Variants in ZNF385A observed in about 807,000 individuals in gnomAD.
ZNF385A encodes zinc finger protein 385A, also known as hematopoietic zinc finger protein.
ZNF385A carries 14 observed loss-of-function variants against 32.1 expected under a neutral mutation model. The observed-to-expected ratio is 0.44, with a 90% CI of 0.29 to 0.68. The LOEUF is 0.68. Among genes scored for constraint, ZNF385A ranks in the 30% least tolerant of loss-of-function variants. ZNF385A has a pLI of 0.14. For synonymous variants in ZNF385A, 197 were observed against 202.7 expected, an observed-to-expected ratio of 0.97 and a Z score of 0.24; for missense variants, 406 against 478.4, an observed-to-expected ratio of 0.85 and a Z score of 1.41.
chr12:54,388,082 T>TGTGG (rs905901080), upstream of ZNF385A, among the ~76,000 whole-genome samples: 3 of 149,914 alleles, frequency 2.0e-5, no homozygotes, highest in Non-Finnish European at 4.4e-5. Flanking sequence ...TGTGTGTGTG[T>TGTGG]GGCACCCATG....
At chr12:54,376,794 G>A (rs1283229918) in intron 1 of ZNF385A, among the ~76,000 whole-genome samples, 1 of 152,178 alleles carries the variant, frequency 6.6e-6, no homozygotes, top group African/African-American at 2.4e-5. Context: ...TTTCTCTGAG[G>A]CTTTCTGCTA....
chr12:54,375,560 A>C (rs1186102331), intron 2 of ZNF385A, among the ~76,000 whole-genome samples: 2 of 152,170 alleles, frequency 1.3e-5, no homozygotes, highest in African/African-American at 4.8e-5. Context: ...TGTTCCAAGA[A>C]GCTCTGAACC....
intron 1 of ZNF385A, among the ~76,000 whole-genome samples, chr12:54,391,070 GA>G (rs1955628253): frequency 6.6e-6 from 1 of 152,190 alleles, no homozygotes; most frequent in Non-Finnish European, 1.5e-5. Context: ...GGGAAGAGGG[GA>G]AGAGGGGACC....
At chr12:54,373,416 G>C (rs1235714122) in intron 3 of ZNF385A, among the ~76,000 whole-genome samples, 1 of 151,848 alleles carries the variant, frequency 6.6e-6, no homozygotes, top group Non-Finnish European at 1.5e-5. Context: ...CCAGCCATGA[G>C]GGAAAAGGAA....
intron 1 of ZNF385A, chr12:54,379,361 C>T (rs1002651176): frequency 2.4e-5 from 6 of 250,492 alleles, no homozygotes; most frequent in Non-Finnish European, 3.2e-5. Context: ...TATCCAGACA[C>T]TCCTAGGAAA....
In ZNF385A at chr12:54,370,511, A is replaced by G; in HGVS notation, c.871-25T>C. The G allele has an allele frequency of 6.4e-7, 1 of 1,550,922 alleles. No individual in the cohort carries two copies. Among genetic ancestry groups the G allele is most frequent in the Non-Finnish European group, 8.7e-7 (1 of 1,146,680 alleles). ...CCTGAAGCGGGCGAAAGGCGGAGGA[A>G]GAGAAGTCACCCGGCGGTCCTGCAA... On this transcript the variant is annotated intron_variant, in intron 6 of 6. Transcript: ENST00000394313. This position sits in a 1 kb window ranked among gnomAD's most constrained non-coding sequence, Gnocchi z 5.5.
At position 54,384,428 on chromosome 12, in the gene ZNF385A, G is replaced by C. The variant is rs146947705; in HGVS notation, c.87C>G (p.Thr29=). ...PTLGLFSNYS[T]MDPVQKAVLS... ...AGAAGGCAGGCAGGCTGCTACTTACGGTGCTGTAGTTGCTGAAGAGGCCAA... is the reference window on the plus strand; with the variant it reads ...AGAAGGCAGGCAGGCTGCTACTTACCGTGCTGTAGTTGCTGAAGAGGCCAA... The change falls in exon 1 of 7, where the codon ACC becomes ACG. Residue 29 remains threonine (T), a splice_region_variant and synonymous_variant. Transcript: ENST00000394313. 1.5e-5 allele frequency: 24 copies of C among 1,582,686 alleles called. No individual in the cohort carries two copies. The highest frequency in any genetic ancestry group is 2.0e-5 in the Non-Finnish European group (23 of 1,164,612).
In ZNF385A at chr12:54,374,051, G is replaced by A; in HGVS notation, c.283C>T (p.Pro95Ser). The A allele has an allele frequency of 3.1e-6, 5 of 1,602,072 alleles. No homozygotes were observed. Among genetic ancestry groups the A allele is most frequent in the Non-Finnish European group, 4.3e-6 (5 of 1,172,112 alleles). ...IEAAKTRGREPGVREPGDPAP... is the reference protein window; with the variant it reads ...IEAAKTRGRESGVREPGDPAP... ...GGGTCTCCAGGTTCTCGGACGCCAG[G>A]CTCCCTGCCTCTGGTCTTGGCAGCC... The change falls in exon 3 of 7, where the codon CCT (proline) becomes TCT (serine). Residue 95 changes from proline to serine, a missense_variant. Pro to Ser is a moderately conservative substitution (Grantham distance 74). Coordinates refer to ENST00000394313, the MANE Select transcript of ZNF385A (RefSeq NM_015481.3).
Position 54,384,499 on chromosome 12 carries a change from C to G in ZNF385A, c.16G>C (p.Asp6His). ...GGGAAGGGCAGGATCTGCTTGAGGT[C>G]CAGTGGGGGCTGCATGATCGGGGGC... Reference protein sequence around the residue: MQPPLDLKQILPFPLE... With the variant: MQPPLHLKQILPFPLE... The change falls in exon 1 of 7, where the codon GAC (aspartate) becomes CAC (histidine). Residue 6 changes from aspartate to histidine, a missense_variant. By Grantham distance (81) the Asp-to-His change is moderately conservative. Coordinates refer to ENST00000394313, the MANE Select transcript of ZNF385A (RefSeq NM_015481.3). The G allele has an allele frequency of 1.3e-6, 2 of 1,565,128 alleles. No homozygotes were observed. The highest frequency in any genetic ancestry group is 1.7e-6 in the Non-Finnish European group (2 of 1,157,992).
chr12:54,373,939 A>T (rs1168955901), intron 3 of ZNF385A, 34 bp downstream of exon 3: 1 of 1,434,310 alleles, frequency 7.0e-7, no homozygotes, highest in East Asian at 2.5e-5. Flanking sequence ...GAAGACAGAG[A>T]TCAGTTGAAG....
chr12:54,384,055 T>A (rs1211443102), intron 1 of ZNF385A, among the ~76,000 whole-genome samples: 6 of 152,220 alleles, frequency 3.9e-5, no homozygotes, highest in Admixed American at 2.0e-4. Flanking sequence ...CATGCTTATT[T>A]TCCTGCTCAT....
rs894309794 is a variant in ZNF385A at position 54,370,222 on chromosome 12, T to C, written c.*34A>G. On this transcript the variant is annotated 3_prime_UTR_variant, in exon 7 of 7. Coordinates refer to ENST00000394313, the MANE Select transcript of ZNF385A (RefSeq NM_015481.3). The surrounding 1 kb of genome is among the most constrained non-coding windows in gnomAD (Gnocchi z 5.5). ...CGGACGCCTGGGTCCCGGCTGGAGGTGGGGAGTTGAATGGGAGGGGTTCAG... is the reference window on the plus strand; with the variant it reads ...CGGACGCCTGGGTCCCGGCTGGAGGCGGGGAGTTGAATGGGAGGGGTTCAG... 1 of 1,341,616 alleles carries C rather than the reference T, an allele frequency of 7.5e-7. No homozygotes were observed. The highest frequency in any genetic ancestry group is 9.6e-7 in the Non-Finnish European group (1 of 1,038,266). 83.1% of individuals were successfully genotyped at this position (1,341,616 alleles called of 1,614,324 possible). A position where few individuals can be genotyped will look rare whatever the true frequency, so the allele number is the denominator to read the frequency against.
At chr12:54,386,275 G>A (rs562033645), upstream of ZNF385A, among the ~76,000 whole-genome samples, 1 of 152,072 alleles carries the variant, frequency 6.6e-6, no homozygotes, top group East Asian at 1.9e-4. Flanking sequence ...ATAGGTGACT[G>A]AGGAATCGGA....
chr12:54,384,906 C>A, upstream of ZNF385A: 2 of 1,052,774 alleles, frequency 1.9e-6, no homozygotes, highest in Non-Finnish European at 2.3e-6. Flanking sequence ...CAGCCTCAAG[C>A]CCCTGGCCAC....
rs375230621 is a variant in ZNF385A at position 54,370,822 on chromosome 12, C to T, written c.775-101G>A. On this transcript the variant is annotated intron_variant, in intron 5 of 6. Transcript: ENST00000394313. The surrounding 1 kb of genome is among the most constrained non-coding windows in gnomAD (Gnocchi z 5.5). Reference sequence around the variant, plus strand: ...GCACCGGCCCCCTCCCATCTGGCCCCCTGGGGAAAACTCTGAAGAAGGGCC... The same window carrying T: ...GCACCGGCCCCCTCCCATCTGGCCCTCTGGGGAAAACTCTGAAGAAGGGCC... 27 of 1,600,358 alleles carry T rather than the reference C, an allele frequency of 1.7e-5. No individual in the cohort carries two copies. In the African/African-American group the frequency reaches 2.0e-4, roughly 12 times the overall value.
intron 1 of ZNF385A, among the ~76,000 whole-genome samples, chr12:54,377,267 C>G: frequency 6.6e-6 from 1 of 152,192 alleles, no homozygotes; most frequent in South Asian, 2.1e-4. Flanking sequence ...TTGGGTAGTG[C>G]TGAAGGCAGG....
chr12:54,370,827 G>A lies in ZNF385A; in HGVS notation c.774+100C>T. The A allele has an allele frequency of 6.2e-7, 1 of 1,601,686 alleles. No individual in the cohort carries two copies. The highest frequency in any genetic ancestry group is 8.5e-7 in the Non-Finnish European group (1 of 1,174,130). ...GGCCCCCTCCCATCTGGCCCCCTGG[G>A]GAAAACTCTGAAGAAGGGCCTTTAC... On this transcript the variant is annotated intron_variant, in intron 5 of 6. Coordinates refer to ENST00000394313, the MANE Select transcript of ZNF385A (RefSeq NM_015481.3). This position sits in a 1 kb window ranked among gnomAD's most constrained non-coding sequence, Gnocchi z 5.5.
chr12:54,385,518 A>G (rs1252299920), upstream of ZNF385A, among the ~76,000 whole-genome samples: 1 of 152,048 alleles, frequency 6.6e-6, no homozygotes. Flanking sequence ...GCCGCCCTTC[A>G]CTGCTCCAGT....
At chr12:54,373,939 A>C in intron 3 of ZNF385A, 34 bp downstream of exon 3, 1 of 1,434,428 alleles carries the variant, frequency 7.0e-7, no homozygotes, top group Non-Finnish European at 9.3e-7. Flanking sequence ...GAAGACAGAG[A>C]TCAGTTGAAG....
Sources: gnomAD v4.1 joint callset for allele counts (sites outside exome capture counted in the v4.1 genomes callset) on GRCh38, gnomAD v4.1.1 for gene constraint, Gnocchi (gnomAD v3.1) non-coding constraint, MANE v1.5 for transcripts, NCBI Gene and HGNC (gene_info 2026-07-23, HGNC 2026-07-21) for gene names.